The following PSD2 variants were observed in gnomAD, a reference collection of about 807,000 sequenced individuals.
The protein encoded by PSD2 is PH and SEC7 domain-containing protein 2.
PSD2 carries 38 observed loss-of-function variants against 69.8 expected under a neutral mutation model. The observed-to-expected ratio is 0.54, with a 90% CI of 0.42 to 0.71. The LOEUF (loss-of-function observed/expected upper bound fraction) is 0.71, where lower values mean the gene tolerates loss of function less well. PSD2 is among the 30% of genes least tolerant of loss of function. PSD2 has a pLI of 0.00. For synonymous variants in PSD2, 412 were observed against 423.0 expected, an observed-to-expected ratio of 0.97 and a Z score of 0.32; for missense variants, 943 against 1,014.5, an observed-to-expected ratio of 0.93 and a Z score of 0.96.
rs565432010 is a variant in PSD2, at chr5:139,841,231, T to A, written c.2113-1040T>A. On this transcript the variant is annotated intron_variant, in intron 14 of 14. Coordinates refer to ENST00000274710, the MANE Select transcript of PSD2 (RefSeq NM_032289.4). Reference sequence around the variant, plus strand: ...GAATTTCCTTTCTTTTTAACCCATTTATGTCAGAGTTTGCAAATTTTTTTT... The same window carrying A: ...GAATTTCCTTTCTTTTTAACCCATTAATGTCAGAGTTTGCAAATTTTTTTT... Among the ~76,000 whole-genome samples, 9 of 152,376 alleles carry A rather than the reference T, an allele frequency of 5.9e-5. No individual in the cohort carries two copies. The South Asian group carries it at 6.2e-4, about 11-fold the overall frequency.
At chr5:139,838,473 C>T (rs765551583) in intron 12 of PSD2, among the ~76,000 whole-genome samples, 155 bp from the exon 13 acceptor site, 1 of 152,104 alleles carries the variant, frequency 6.6e-6, no homozygotes, top group Non-Finnish European at 1.5e-5. Flanking sequence ...CCAGGCCCAT[C>T]CAGCCCCCAT....
chr5:139,833,954 T>C (rs1760654369), intron 8 of PSD2, among the ~76,000 whole-genome samples, 163 bp downstream of exon 8: 1 of 152,232 alleles, frequency 6.6e-6, no homozygotes, highest in African/African-American at 2.4e-5. Flanking sequence ...TTGGCTGTTC[T>C]GTGTTCCCTG....
At chr5:139,743,336 C>T in the PSD2 span, among the ~76,000 whole-genome samples, 2,685 of 152,302 alleles carry the variant, frequency 0.018, 72 homozygotes, top group African/African-American at 0.061. Flanking sequence ...TGGAGGGTTA[C>T]TGCTTCGTGT....
the PSD2 span, among the ~76,000 whole-genome samples, chr5:139,765,756 C>A: frequency 6.6e-6 from 1 of 152,182 alleles, no homozygotes; most frequent in African/African-American, 2.4e-5. Context: ...GGTGCGGCTG[C>A]GTTCCGGGGG....
the PSD2 span, among the ~76,000 whole-genome samples, chr5:139,777,226 TG>T: frequency 3.9e-5 from 6 of 152,382 alleles, no homozygotes; most frequent in Admixed American, 3.9e-4. Flanking sequence ...TGGCCCCTTC[TG>T]TAGTGGCTTT....
the PSD2 span, among the ~76,000 whole-genome samples, chr5:139,766,978 TTTCTTTCTTTCTTTCTTTCC>T: frequency 2.8e-5 from 4 of 142,880 alleles, no homozygotes; most frequent in South Asian, 2.3e-4. Flanking sequence ...TCTTTCTTTC[TTTCTTTCTTTCTTTCTTTCC>T]TTCTTTCTTT....
intron 6 of PSD2, among the ~76,000 whole-genome samples, chr5:139,822,249 G>A (rs1479876157): frequency 2.0e-5 from 3 of 152,196 alleles, no homozygotes; most frequent in African/African-American, 7.2e-5. Flanking sequence ...CTCCAGCCTC[G>A]GGATTCAGCT....
chr5:139,743,740 A>G, the PSD2 span: 6 of 152,338 alleles, frequency 3.9e-5, no homozygotes, highest in African/African-American at 1.2e-4. Context: ...TCTGCTTGTC[A>G]TGGCTGAAAT....
chr5:139,794,430 G>A (rs1251777810), upstream of PSD2, among the ~76,000 whole-genome samples: 1 of 152,214 alleles, frequency 6.6e-6, no homozygotes, highest in Non-Finnish European at 1.5e-5. Context: ...GCACAGCTCA[G>A]ATTCCACACC....
At chr5:139,781,161 C>T in the PSD2 span, among the ~76,000 whole-genome samples, 2 of 152,126 alleles carry the variant, frequency 1.3e-5, no homozygotes, top group South Asian at 4.1e-4. Context: ...ACCCTATGGA[C>T]CAGAGAAGTC....
the PSD2 span, among the ~76,000 whole-genome samples, chr5:139,748,340 A>G: frequency 2.6e-5 from 4 of 152,188 alleles, no homozygotes; most frequent in Non-Finnish European, 5.9e-5. Context: ...AAATACACAT[A>G]TTTGGGCACC....
chr5:139,763,533 T>C, the PSD2 span, among the ~76,000 whole-genome samples: 1 of 152,176 alleles, frequency 6.6e-6, no homozygotes, highest in African/African-American at 2.4e-5. Flanking sequence ...ATGATGACCA[T>C]GGCCTGTGCT....
chr5:139,778,176 G>A, the PSD2 span, among the ~76,000 whole-genome samples: 8 of 152,262 alleles, frequency 5.3e-5, no homozygotes, highest in African/African-American at 1.9e-4. Flanking sequence ...AATAAGTGTG[G>A]TTCCCAAGGG....
At chr5:139,830,656 CTCTT>C (rs1760572716) in intron 7 of PSD2, among the ~76,000 whole-genome samples, 7 of 60,856 alleles carry the variant, frequency 1.2e-4, no homozygotes, top group African/African-American at 5.4e-4. Context: ...TTCTTTCTTT[CTCTT>C]TCTTTCTTTA....
chr5:139,759,411 T>A, the PSD2 span, among the ~76,000 whole-genome samples: 1 of 147,320 alleles, frequency 6.8e-6, no homozygotes, highest in South Asian at 2.2e-4. Flanking sequence ...CTGCCCCCGA[T>A]CGCGGTCACC....
the PSD2 span, among the ~76,000 whole-genome samples, chr5:139,745,915 G>T: frequency 6.6e-6 from 1 of 152,154 alleles, no homozygotes; most frequent in Non-Finnish European, 1.5e-5. Flanking sequence ...ACCTGCTCCT[G>T]CCCCCTCAAA....
At chr5:139,760,516 A>G in the PSD2 span, among the ~76,000 whole-genome samples, 1 of 152,090 alleles carries the variant, frequency 6.6e-6, no homozygotes, top group Admixed American at 6.5e-5. Context: ...TGGTGCCACC[A>G]TGCTCAGCCC....
the PSD2 span, among the ~76,000 whole-genome samples, chr5:139,787,869 C>A: frequency 3.3e-5 from 5 of 152,066 alleles, no homozygotes; most frequent in African/African-American, 1.2e-4. Flanking sequence ...AACGGCACGG[C>A]CTTCGGAGAC....
At chr5:139,772,784 C>T in the PSD2 span, 1 of 152,350 alleles carries the variant, frequency 6.6e-6, no homozygotes, top group Admixed American at 6.5e-5. Flanking sequence ...TAATTTTCTG[C>T]ACAGCAGGTA....
Sources: gnomAD v4.1 joint callset for allele counts (sites outside exome capture counted in the v4.1 genomes callset) on GRCh38, gnomAD v4.1.1 for gene constraint, MANE v1.5 for transcripts, NCBI Gene and HGNC (gene_info 2026-07-23, HGNC 2026-07-21) for gene names.